Variants in BCR observed in about 807,000 individuals in gnomAD.
BCR encodes BCR activator of RhoGEF and GTPase.
In BCR, 58 loss-of-function variants were observed where a neutral mutation model predicts 138.6. That is an observed-to-expected ratio of 0.42 (90% CI 0.34 to 0.52). The LOEUF is 0.52. BCR is among the 20% of genes least tolerant of loss of function. BCR has a pLI of 0.06. For missense variants in BCR, 1,599 were observed against 1,727.2 expected, an observed-to-expected ratio of 0.93 and a Z score of 1.32; for synonymous variants, 786 against 730.1, an observed-to-expected ratio of 1.08 and a Z score of -1.23.
At chr22:23,204,250 C>T (rs2072586786) in intron 1 of BCR, among the ~76,000 whole-genome samples, 1 of 152,194 alleles carries the variant, frequency 6.6e-6, no homozygotes, top group Non-Finnish European at 1.5e-5. Flanking sequence ...GCTTGCTCCT[C>T]CTCTTGCTCT....
intron 1 of BCR, among the ~76,000 whole-genome samples, chr22:23,231,654 C>T (rs963879893): frequency 2.0e-5 from 3 of 152,186 alleles, no homozygotes; most frequent in Admixed American, 6.5e-5. Context: ...CTTAGGCTGC[C>T]CCTCCCTGAC....
chr22:23,211,336 TACAG>T (rs2072679662), intron 1 of BCR, among the ~76,000 whole-genome samples: 9 of 151,800 alleles, frequency 5.9e-5, no homozygotes, highest in Admixed American at 5.3e-4. Context: ...TAGCTGGGAC[TACAG>T]GCGCCCGCCA....
At chr22:23,253,366 T>G (rs905072541) in intron 1 of BCR, among the ~76,000 whole-genome samples, 1 of 152,144 alleles carries the variant, frequency 6.6e-6, no homozygotes, top group Non-Finnish European at 1.5e-5. Context: ...TCTCTAATCG[T>G]GTGGTTGGTT....
intron 16 of BCR, among the ~76,000 whole-genome samples, chr22:23,305,246 C>G (rs1028568778): frequency 6.6e-6 from 1 of 152,118 alleles, no homozygotes; most frequent in African/African-American, 2.4e-5. Flanking sequence ...AGACCCACCC[C>G]CGGGAGTAGG....
chr22:23,181,661 G>C lies in BCR; in HGVS notation c.701G>C (p.Arg234Pro), dbSNP rs1330184366. ...GDASRPPYRG[R>P]SSESSCGVDG... is the part of the protein sequence containing the mutation. ...GCATCCAGGCCCCCTTACCGGGGAC[G>C]CTCCTCGGAGAGCAGCTGCGGCGTC... Residue 234 changes from arginine (R) to proline (P), a missense_variant, in exon 1 of 23, where the codon CGC becomes CCC. Around this residue, in one of 4 missense-constraint regions of BCR, gnomAD observed 806 missense variants for 635.0 expected, o/e 1.27. Coordinates refer to ENST00000305877, the MANE Select transcript of BCR (RefSeq NM_004327.4). The C allele has an allele frequency of 6.2e-7, 1 of 1,607,738 alleles. No individual in the cohort carries two copies. Among genetic ancestry groups the C allele is most frequent in the Admixed American group, 1.7e-5 (1 of 60,016 alleles).
In BCR at chr22:23,181,653, C is replaced by G; in HGVS notation, c.693C>G (p.Tyr231Ter). 1 of 1,608,904 alleles carries G rather than the reference C, an allele frequency of 6.2e-7. No homozygotes were observed. Among genetic ancestry groups the G allele is most frequent in the Non-Finnish European group, 8.5e-7 (1 of 1,179,874 alleles). Reference protein sequence around the residue: ...SSVGDASRPPYRGRSSESSCG... With the variant: ...SSVGDASRPP ...TGGGGGATGCATCCAGGCCCCCTTA[C>G]CGGGGACGCTCCTCGGAGAGCAGCT... The change falls in exon 1 of 23, where the codon TAC (tyrosine) becomes TAG (stop). Residue 231 changes from tyrosine to a stop codon, truncating the protein, a stop_gained. Coordinates refer to ENST00000305877, the MANE Select transcript of BCR (RefSeq NM_004327.4). LOFTEE classifies it high-confidence loss of function.
intron 16 of BCR, among the ~76,000 whole-genome samples, chr22:23,308,666 G>A (rs1245876686): frequency 2.0e-5 from 3 of 152,154 alleles, no homozygotes; most frequent in Non-Finnish European, 4.4e-5. Context: ...AGTGATCTTG[G>A]CATACCCAGG....
At chr22:23,312,006 C>T (rs1346717393) in intron 19 of BCR, 170 bp downstream of exon 19, 1 of 1,322,416 alleles carries the variant, frequency 7.6e-7, no homozygotes, top group Admixed American at 2.8e-5. Context: ...GAAAAAGCCT[C>T]TGTAGAAACC....
In BCR at chr22:23,271,526, C is replaced by G; in HGVS notation, c.1861-6C>G. 1 of 1,614,014 alleles carries G rather than the reference C, an allele frequency of 6.2e-7. No homozygotes were observed. The highest frequency in any genetic ancestry group is 1.7e-4 in the Middle Eastern group (1 of 6,060). On this transcript the variant is annotated splice_region_variant and splice_polypyrimidine_tract_variant and intron_variant, in intron 5 of 22. Coordinates refer to ENST00000305877, the MANE Select transcript of BCR (RefSeq NM_004327.4). ...TCTGTGTGAACATGCGCTTTTCTCTCTGCAGAACCTGAGAGCCAGAAGCAA... is the reference window on the plus strand; with the variant it reads ...TCTGTGTGAACATGCGCTTTTCTCTGTGCAGAACCTGAGAGCCAGAAGCAA...
In BCR at chr22:23,294,999, C is replaced by T. The variant is rs201177500; in HGVS notation, c.2881-25C>T. On this transcript the variant is annotated intron_variant, in intron 15 of 22. Coordinates refer to ENST00000305877, the MANE Select transcript of BCR (RefSeq NM_004327.4). ...CATTGACCCGTTTGTTCACACTGGA[C>T]TTCCCTTCTCCCTTGGGGCTGCAGG... 376 of 1,612,602 alleles carry T rather than the reference C, an allele frequency of 2.3e-4. 3 individuals are homozygous for T. The highest frequency in any genetic ancestry group is 1.9e-4 in the African/African-American group (14 of 75,036).
intron 1 of BCR, among the ~76,000 whole-genome samples, chr22:23,190,894 G>A (rs564702672): frequency 1.1e-3 from 175 of 152,200 alleles, no homozygotes; most frequent in African/African-American, 3.9e-3. Context: ...AGGTTCTTTC[G>A]TTAGCTTCTT....
intron 8 of BCR, chr22:23,283,455 C>T (rs1174992364): frequency 6.5e-6 from 1 of 154,542 alleles, no homozygotes; most frequent in East Asian, 1.9e-4. Flanking sequence ...ACCATACTGC[C>T]ACATCTGTAC....
chr22:23,215,866 G>A (rs2072745994), intron 1 of BCR, among the ~76,000 whole-genome samples: 2 of 152,138 alleles, frequency 1.3e-5, no homozygotes, highest in South Asian at 4.2e-4. Context: ...AAGGGATAGG[G>A]GACCAGTTAA....
rs755299554 is a variant in BCR at position 23,253,962 on chromosome 22, C to T, written c.1443C>T (p.Ala481=). 1.2e-6 allele frequency: 2 copies of T among 1,612,442 alleles called. No individual in the cohort carries two copies. The highest frequency in any genetic ancestry group is 1.3e-5 in the African/African-American group (1 of 74,906). ...RGSRDALVSG[A]LESTKASELD... is the part of the protein sequence containing the mutation. ...GCCGGGATGCGCTGGTCTCGGGAGCCCTGGAGTCCACTAAAGCGGTGAGTC... is the reference window on the plus strand; with the variant it reads ...GCCGGGATGCGCTGGTCTCGGGAGCTCTGGAGTCCACTAAAGCGGTGAGTC... Residue 481 remains alanine, a synonymous_variant, in exon 2 of 23, where the codon GCC becomes GCT. Coordinates refer to ENST00000305877, the MANE Select transcript of BCR (RefSeq NM_004327.4).
rs192426158 is a variant in BCR, at chr22:23,270,719, A to G, written c.1861-813A>G. Among the ~76,000 whole-genome samples, 405 of 152,340 alleles carry G rather than the reference A, an allele frequency of 2.7e-3. 2 individuals are homozygous for G. Among genetic ancestry groups the G allele is most frequent in the Non-Finnish European group, 5.1e-3 (344 of 68,034 alleles). On this transcript the variant is annotated intron_variant, in intron 5 of 22. Transcript: ENST00000305877. ...CTCAGAACCTCTTCTGTCTCTGTTT[A>G]TGCTTTTGTTCAGAAGCTTAGTACC...
intron 16 of BCR, among the ~76,000 whole-genome samples, chr22:23,298,543 C>T (rs1228502718): frequency 6.6e-6 from 1 of 151,144 alleles, no homozygotes; most frequent in Non-Finnish European, 1.5e-5. Context: ...CCTTCCCTTC[C>T]TTCCCTTCCT....
chr22:23,211,348 C>T (rs1338726343), intron 1 of BCR, among the ~76,000 whole-genome samples: 1 of 152,026 alleles, frequency 6.6e-6, no homozygotes, highest in Non-Finnish European at 1.5e-5. Flanking sequence ...CAGGCGCCCG[C>T]CACTACACCC....
At chr22:23,282,591 C>A (rs183270277) in intron 8 of BCR, among the ~76,000 whole-genome samples, 222 of 152,308 alleles carry the variant, frequency 1.5e-3, no homozygotes, top group Non-Finnish European at 1.4e-3. Context: ...TTCAGAGAGA[C>A]CGAGGCTCCC....
rs142557670 is a variant in BCR, at chr22:23,268,402, C to T, written c.1753-6C>T. The stretch of plus-strand genomic sequence containing the variant: ...GTCCCACTCTCTCTTCCTTCCTCCC[C>T]CTCAGGCCAGCCAGCTGGGTGTGTA... On this transcript the variant is annotated splice_polypyrimidine_tract_variant and splice_region_variant and intron_variant, in intron 4 of 22. Transcript: ENST00000305877. 165 of 1,606,264 alleles carry T rather than the reference C, an allele frequency of 1.0e-4. No individual in the cohort carries two copies. The African/African-American group carries it at 1.2e-3, about 12-fold the overall frequency.
Sources: allele counts gnomAD v4.1 joint callset (sites outside exome capture counted in the v4.1 genomes callset), GRCh38; gene constraint gnomAD v4.1.1; regional missense constraint gnomAD v4.1.1; transcripts MANE v1.5; gene names NCBI Gene and HGNC (gene_info 2026-07-23, HGNC 2026-07-21).